F13B: variants seen among roughly 807,000 people sequenced by gnomAD.
The protein encoded by F13B is TGase.
In F13B, 58 loss-of-function variants were observed where a neutral mutation model predicts 79.8. The observed-to-expected ratio is 0.73, with a 90% CI of 0.59 to 0.90. F13B has a LOEUF of 0.90. Among genes scored for constraint, F13B ranks in the 40% least tolerant of loss-of-function variants. The probability of loss-of-function intolerance (pLI) is 0.00; values close to 1 mark genes in which losing one functional copy is unlikely to be tolerated. For missense variants in F13B, 773 were observed against 777.0 expected (o/e 0.99, Z 0.06); for synonymous variants, 283 against 260.3 (o/e 1.09, Z -0.84).
intron 2 of F13B, 138 bp from the exon 3 acceptor site, chr1:197,062,107 AT>A: frequency 1.4e-6 from 1 of 737,930 alleles, no homozygotes. Context: ...TTGAAAATGG[AT>A]TCAATTTAAC....
chr1:197,051,525 G>A (rs911395468), intron 9 of F13B, among the ~76,000 whole-genome samples: 1 of 152,078 alleles, frequency 6.6e-6, no homozygotes, highest in South Asian at 2.1e-4. Context: ...GCTTTACAGT[G>A]TTTGTTGTTG....
chr1:197,060,875 A>C (rs771926982), intron 4 of F13B, 24 bp downstream of exon 4: 18 of 1,605,996 alleles, frequency 1.1e-5, no homozygotes, highest in Non-Finnish European at 1.5e-5. Flanking sequence ...GTGAGAGTAG[A>C]TTTTATTCCA....
At chr1:197,062,754 C>G in intron 2 of F13B, 103 bp downstream of exon 2, 1 of 1,044,352 alleles carries the variant, frequency 9.6e-7, no homozygotes, top group Non-Finnish European at 1.5e-6. Context: ...TTGTTCTTAT[C>G]TACTAAAAGG....
Position 197,051,119 on chromosome 1 carries a change from G to A in F13B, c.1556-240C>T, listed in dbSNP as rs1655426246. 1.3e-5 allele frequency among the ~76,000 whole-genome samples: 2 copies of A among 152,060 alleles called. 1 individual carries two copies. Among genetic ancestry groups the A allele is most frequent in the African/African-American group, 4.8e-5 (2 of 41,418 alleles). ...AGACAGGGTCTCACTATGTTGCTCAGGTTGGTCTTGAATTCCTGGGCTCAA... is the reference window on the plus strand; with the variant it reads ...AGACAGGGTCTCACTATGTTGCTCAAGTTGGTCTTGAATTCCTGGGCTCAA... On this transcript the variant is annotated intron_variant, in intron 9 of 11. Coordinates refer to ENST00000367412, the MANE Select transcript of F13B (RefSeq NM_001994.3).
At chr1:197,049,530 A>G (rs1025622823) in intron 10 of F13B, among the ~76,000 whole-genome samples, 3 of 152,108 alleles carry the variant, frequency 2.0e-5, no homozygotes, top group African/African-American at 7.2e-5. Context: ...AAACTGACAG[A>G]AGAAGAAATA....
chr1:197,041,235 G>T (rs1655025986), intron 10 of F13B, among the ~76,000 whole-genome samples: 1 of 151,990 alleles, frequency 6.6e-6, no homozygotes, highest in Non-Finnish European at 1.5e-5. Flanking sequence ...CATCCAAAAT[G>T]GTTGACAGTT....
intron 9 of F13B, 90 bp downstream of exon 9, chr1:197,052,543 GA>G: frequency 1.2e-6 from 1 of 828,724 alleles, no homozygotes; most frequent in Non-Finnish European, 1.9e-6. Flanking sequence ...ATAATAATAA[GA>G]AAAATAGCAA....
At chr1:197,049,757 C>T (rs17549374) in intron 10 of F13B, among the ~76,000 whole-genome samples, 2,097 of 152,026 alleles carry the variant, frequency 0.014, 19 homozygotes, top group Non-Finnish European at 0.023. Context: ...ACCAGTCTTT[C>T]TCATGAAAAT....
chr1:197,046,300 A>G (rs1367390471), intron 10 of F13B, among the ~76,000 whole-genome samples: 4 of 152,240 alleles, frequency 2.6e-5, no homozygotes, highest in Non-Finnish European at 5.9e-5. Context: ...TTAAGCTGAT[A>G]AACAATTTCA....
chr1:197,062,777 C>A, intron 2 of F13B, 80 bp downstream of exon 2: 1 of 1,385,370 alleles, frequency 7.2e-7, no homozygotes, highest in Non-Finnish European at 1.0e-6. Context: ...TAACCGCTTT[C>A]CATTTTTATT....
chr1:197,066,267 A>G (rs915694646), intron 1 of F13B, among the ~76,000 whole-genome samples: 1 of 152,194 alleles, frequency 6.6e-6, no homozygotes, highest in Non-Finnish European at 1.5e-5. Flanking sequence ...CTATTCAACT[A>G]AAACACAGTT....
chr1:197,062,206 A>G (rs1347358920), intron 2 of F13B, among the ~76,000 whole-genome samples: 1 of 152,080 alleles, frequency 6.6e-6, no homozygotes, highest in African/African-American at 2.4e-5. Flanking sequence ...TACTAGATAT[A>G]TCAACCACAA....
intron 9 of F13B, among the ~76,000 whole-genome samples, chr1:197,051,227 C>A (rs1571558413): frequency 6.6e-6 from 1 of 152,052 alleles, no homozygotes; most frequent in Admixed American, 6.6e-5. Flanking sequence ...ATTTTTTAGG[C>A]AGTTCTCAAA....
intron 9 of F13B, among the ~76,000 whole-genome samples, chr1:197,051,892 G>T (rs539186882): frequency 4.9e-4 from 75 of 152,026 alleles, no homozygotes; most frequent in Middle Eastern, 6.8e-3. Context: ...TTGTAAATTT[G>T]TGTTAAGTTC....
At position 197,062,913 on chromosome 1, in the gene F13B, T is replaced by G. The variant is rs149369147; in HGVS notation, c.209A>C (p.Gln70Pro). Reference protein sequence around the residue: ...LAGYTTESGRQEEQTTCTTEG... With the variant: ...LAGYTTESGRPEEQTTCTTEG... ...TGTTGTACACGTGGTTTGCTCTTCTTGTCTTCCACTTTCAGTGGTATAACC... is the reference window on the plus strand; with the variant it reads ...TGTTGTACACGTGGTTTGCTCTTCTGGTCTTCCACTTTCAGTGGTATAACC... Residue 70 changes from glutamine (Q) to proline (P), a missense_variant, in exon 2 of 12, where the codon CAA (glutamine) becomes CCA (proline). Coordinates refer to ENST00000367412, the MANE Select transcript of F13B (RefSeq NM_001994.3). 20 of 1,613,792 alleles carry G rather than the reference T, an allele frequency of 1.2e-5. No homozygotes were observed. In the African/African-American group the frequency reaches 2.7e-4, roughly 22 times the overall value.
chr1:197,056,844 C>T (rs1306289477), intron 7 of F13B, among the ~76,000 whole-genome samples, 169 bp downstream of exon 7: 1 of 152,194 alleles, frequency 6.6e-6, no homozygotes, highest in Non-Finnish European at 1.5e-5. Flanking sequence ...GCTACACATA[C>T]AGGCACACAC....
chr1:197,060,794 A>C, intron 4 of F13B, 105 bp downstream of exon 4: 5 of 1,096,494 alleles, frequency 4.6e-6, no homozygotes, highest in Non-Finnish European at 6.9e-6. Context: ...AAAGGCAAAA[A>C]TGCATGAAAA....
At chr1:197,042,272 A>G (rs763771082) in intron 10 of F13B, among the ~76,000 whole-genome samples, 4 of 152,208 alleles carry the variant, frequency 2.6e-5, no homozygotes, top group African/African-American at 7.2e-5. Flanking sequence ...TAGTTGTGAA[A>G]ATGAAGTCGA....
intron 2 of F13B, 61 bp from the exon 3 acceptor site, chr1:197,062,030 TA>T: frequency 7.1e-7 from 1 of 1,414,062 alleles, no homozygotes; most frequent in Non-Finnish European, 9.8e-7. Context: ...TACTAAATTG[TA>T]AAATTAAGCC....
Sources: gnomAD v4.1 joint callset for allele counts (sites outside exome capture counted in the v4.1 genomes callset) on GRCh38, gnomAD v4.1.1 for gene constraint, MANE v1.5 for transcripts, NCBI Gene and HGNC (gene_info 2026-07-23, HGNC 2026-07-21) for gene names.